SERINC2: variants seen among roughly 807,000 people sequenced by gnomAD.
The protein encoded by SERINC2 is tumor differentially expressed protein 2.
In SERINC2, 56 loss-of-function variants were observed where a neutral mutation model predicts 54.2. The observed-to-expected ratio is 1.03, with a 90% CI of 0.83 to 1.29. SERINC2 has a LOEUF of 1.29. SERINC2 is among the 50% of genes most tolerant of loss of function. The probability of loss-of-function intolerance (pLI) is 0.00; values close to 1 mark genes in which losing one functional copy is unlikely to be tolerated. For missense variants in SERINC2, 614 were observed against 607.4 expected (o/e 1.01, Z -0.12); for synonymous variants, 272 against 253.1 (o/e 1.07, Z -0.71).
At chr1:31,410,189 C>CTGATTG, upstream of SERINC2, 6 of 1,437,252 alleles carry the variant, frequency 4.2e-6, no homozygotes, top group Non-Finnish European at 5.5e-6. Flanking sequence ...CACATAGCTG[C>CTGATTG]TGACTGTGAC....
At chr1:31,431,822 A>ATAGGGTGGT (rs1641229113) in intron 8 of SERINC2, among the ~76,000 whole-genome samples, 6 of 112,438 alleles carry the variant, frequency 5.3e-5, no homozygotes, top group Admixed American at 1.7e-4. Context: ...GACAGGGTGG[A>ATAGGGTGGT]TAGGGTGGAT....
chr1:31,414,150 C>T (rs1026626324), intron 1 of SERINC2: 63 of 1,410,132 alleles, frequency 4.5e-5, no homozygotes, highest in South Asian at 1.1e-4. Context: ...GGGGAGTGCC[C>T]GGTCGCGGGT....
intron 6 of SERINC2, among the ~76,000 whole-genome samples, chr1:31,428,334 C>T (rs1284711699): frequency 2.6e-5 from 4 of 152,252 alleles, no homozygotes; most frequent in African/African-American, 9.6e-5. Context: ...GCCGCCATGC[C>T]TAGCTGCCTG....
intron 8 of SERINC2, among the ~76,000 whole-genome samples, chr1:31,431,809 G>A (rs376062775): frequency 0.13 from 10,782 of 84,704 alleles, 137 homozygotes; most frequent in Middle Eastern, 0.22. Flanking sequence ...GGTGGACAGG[G>A]TGGACAGGGT....
intron 1 of SERINC2, among the ~76,000 whole-genome samples, chr1:31,418,440 G>A (rs554952315): frequency 6.6e-5 from 10 of 151,842 alleles, no homozygotes; most frequent in African/African-American, 1.9e-4. Context: ...GTATTGGCGC[G>A]ATTCAGCTCA....
chr1:31,433,208 A>G, intron 9 of SERINC2, 23 bp downstream of exon 9: 1 of 1,601,154 alleles, frequency 6.2e-7, no homozygotes, highest in Non-Finnish European at 8.6e-7. Context: ...TGGGGCATGG[A>G]CAGAGCCCGG....
chr1:31,418,545 T>G (rs1553132469), intron 1 of SERINC2, among the ~76,000 whole-genome samples: 1 of 152,076 alleles, frequency 6.6e-6, no homozygotes, highest in Non-Finnish European at 1.5e-5. Flanking sequence ...CTGGCTAATT[T>G]TTGTATTTTT....
Position 31,413,364 on chromosome 1 carries a change from C to CT in SERINC2, c.39+63dup. Reference sequence around the variant, plus strand: ...CGCCCGTTCCTGCTGCGGGCCCTCACTTTCTTCTGTTCTGCTCCGAGTAGT... The same window carrying CT: ...CGCCCGTTCCTGCTGCGGGCCCTCACTTTTCTTCTGTTCTGCTCCGAGTAGT... On this transcript the variant is annotated intron_variant, in intron 1 of 9. Coordinates refer to ENST00000373709, the MANE Select transcript of SERINC2 (RefSeq NM_178865.5). This position sits in a 1 kb window ranked among gnomAD's most constrained non-coding sequence, Gnocchi z 5.0. The CT allele has an allele frequency of 1.1e-6, 1 of 949,928 alleles. No individual in the cohort carries two copies. Among genetic ancestry groups the CT allele is most frequent in the Non-Finnish European group, 1.4e-6 (1 of 728,534 alleles). The allele number at this position is 949,928 out of a possible 1,614,324, so 58.8% of individuals were successfully genotyped here.
At chr1:31,430,958 C>T (rs1457199901) in intron 8 of SERINC2, among the ~76,000 whole-genome samples, 1 of 152,200 alleles carries the variant, frequency 6.6e-6, no homozygotes, top group Non-Finnish European at 1.5e-5. Flanking sequence ...AGCTCTTTCA[C>T]ATTTTCTTCT....
chr1:31,426,752 A>G lies in SERINC2; in HGVS notation c.709A>G (p.Lys237Glu), dbSNP rs1553133707. The change falls in exon 6 of 10, where the codon AAG becomes GAG. Residue 237 changes from lysine to glutamate, a missense_variant. Transcript: ENST00000373709. ...TGAGCCCAGCGGCTGCCACGAGGGCAAGGTCTTCATCAGCCTCAACCTCAC... is the reference window on the plus strand; with the variant it reads ...TGAGCCCAGCGGCTGCCACGAGGGCGAGGTCTTCATCAGCCTCAACCTCAC... Reference protein sequence around the residue: ...YTEPSGCHEGKVFISLNLTFC... With the variant: ...YTEPSGCHEGEVFISLNLTFC... The G allele has an allele frequency of 6.2e-7, 1 of 1,614,034 alleles. No individual in the cohort carries two copies. Among genetic ancestry groups the G allele is most frequent in the Admixed American group, 1.7e-5 (1 of 59,996 alleles).
At chr1:31,429,122 A>G in intron 7 of SERINC2, 54 bp downstream of exon 7, 1 of 1,491,108 alleles carries the variant, frequency 6.7e-7, no homozygotes, top group Non-Finnish European at 9.4e-7. Context: ...GGTCAGTATC[A>G]GTCTACTGTG....
intron 3 of SERINC2, 114 bp from the exon 4 acceptor site, chr1:31,425,216 C>T: frequency 1.2e-6 from 1 of 828,236 alleles, no homozygotes; most frequent in South Asian, 1.4e-5. Flanking sequence ...CCCACCCTCA[C>T]CCCTCTCAGC....
At chr1:31,433,696 C>A (rs1557504120) in intron 9 of SERINC2, among the ~76,000 whole-genome samples, 2 of 152,246 alleles carry the variant, frequency 1.3e-5, no homozygotes, top group Non-Finnish European at 2.9e-5. Context: ...GTAATAAGGT[C>A]AGGGGCCACC....
Position 31,428,126 on chromosome 1 carries a change from G to A in SERINC2, c.781-852G>A, listed in dbSNP as rs181638627. Among the ~76,000 whole-genome samples the A allele has an allele frequency of 3.6e-3, 552 of 151,882 alleles. 3 individuals are homozygous for A. Among genetic ancestry groups the A allele is most frequent in the African/African-American group, 0.013 (536 of 41,398 alleles). ...TCTCAGCTTACTGCAACCAACCTTCGCCTCCCAGGTTCAAGCAATTCTCCT... is the reference window on the plus strand; with the variant it reads ...TCTCAGCTTACTGCAACCAACCTTCACCTCCCAGGTTCAAGCAATTCTCCT... On this transcript the variant is annotated intron_variant, in intron 6 of 9. Transcript: ENST00000373709.
At chr1:31,433,964 G>C (rs191217712) in intron 9 of SERINC2, 100 bp from the exon 10 acceptor site, 12 of 1,233,346 alleles carry the variant, frequency 9.7e-6, no homozygotes, top group Non-Finnish European at 1.3e-5. Flanking sequence ...GTAAGAGCCA[G>C]AGTTGAAGTC....
chr1:31,424,700 G>A lies in SERINC2; in HGVS notation c.219G>A (p.Glu73=). ...CTCCACAGCTGCCCTGGGTGTGTGA[G>A]GAGGGGGCCGGGATCCCCACCGTCC... ...SQLYKLPWVC[E]EGAGIPTVLQ... is the part of the protein sequence containing the mutation. The change falls in exon 3 of 10, where the codon GAG becomes GAA. Residue 73 remains glutamate, a synonymous_variant. Transcript: ENST00000373709. 6.2e-7 allele frequency: 1 copy of A among 1,601,526 alleles called. No homozygotes were observed. The highest frequency in any genetic ancestry group is 8.5e-7 in the Non-Finnish European group (1 of 1,174,290).
chr1:31,411,976 G>T (rs1042119534), upstream of SERINC2, among the ~76,000 whole-genome samples: 4 of 133,600 alleles, frequency 3.0e-5, no homozygotes, highest in African/African-American at 1.1e-4. Context: ...GTTCCAGCCT[G>T]GGTGACAGAG....
intron 2 of SERINC2, among the ~76,000 whole-genome samples, chr1:31,424,413 C>T (rs1557493115): frequency 1.3e-5 from 2 of 152,262 alleles, no homozygotes; most frequent in East Asian, 1.9e-4. Flanking sequence ...CTTTAGACAG[C>T]GCAATAGTTT....
intron 5 of SERINC2, among the ~76,000 whole-genome samples, chr1:31,426,379 GCCTGTA>G (rs1410120029): frequency 5.3e-5 from 8 of 152,206 alleles, no homozygotes; most frequent in Non-Finnish European, 8.8e-5. Flanking sequence ...CAGGTCAACA[GCCTGTA>G]CCTCGTTCAG....
Sources: allele counts gnomAD v4.1 joint callset (sites outside exome capture counted in the v4.1 genomes callset), GRCh38; gene constraint gnomAD v4.1.1; non-coding constraint Gnocchi (gnomAD v3.1); transcripts MANE v1.5; gene names NCBI Gene and HGNC (gene_info 2026-07-23, HGNC 2026-07-21).